TAFA2: variants seen among roughly 807,000 people sequenced by gnomAD.
The protein encoded by TAFA2 is TAFA chemokine like family member 2, also known as chemokine-like protein TAFA-2.
A neutral mutation model predicts 18.8 loss-of-function variants in TAFA2; 7 were observed. The ratio of observed to expected loss-of-function variants is 0.37; its 90% CI spans 0.21 to 0.70. The LOEUF is 0.70. Ranked by LOEUF, TAFA2 falls within the 30% of genes least tolerant of loss-of-function variation. The probability of loss-of-function intolerance (pLI) is 0.53; values close to 1 mark genes in which losing one functional copy is unlikely to be tolerated. For synonymous variants in TAFA2, 60 were observed against 54.2 expected, an observed-to-expected ratio of 1.11 and a Z score of -0.47; for missense variants, 122 against 158.1, an observed-to-expected ratio of 0.77 and a Z score of 1.23.
At chr12:61,829,009 A>T (rs1253737315) in intron 2 of TAFA2, among the ~76,000 whole-genome samples, 1 of 151,774 alleles carries the variant, frequency 6.6e-6, no homozygotes, top group African/African-American at 2.4e-5. Flanking sequence ...TTCTTGAATA[A>T]ATTAATAATG....
At chr12:61,971,370 G>T (rs186133995) in intron 1 of TAFA2, among the ~76,000 whole-genome samples, 1 of 151,778 alleles carries the variant, frequency 6.6e-6, no homozygotes, top group Admixed American at 6.6e-5. Context: ...ATAGCATTAG[G>T]AGATATACCT....
Position 62,091,506 on chromosome 12 carries a change from T to C in TAFA2, c.-2+99753A>G, listed in dbSNP as rs373757122. ...TATTTTTATACCATGCACTTTACAA[T>C]CTTGTTATCACTAGAGGGGTGAAGA... is the stretch of plus-strand genomic sequence containing the variant. On this transcript the variant is annotated intron_variant, in intron 1 of 4. Coordinates refer to ENST00000416284, the MANE Select transcript of TAFA2 (RefSeq NM_178539.5). Among the ~76,000 whole-genome samples the C allele has an allele frequency of 2.6e-5, 4 of 152,068 alleles. No homozygotes were observed. The East Asian group carries it at 5.8e-4, about 22-fold the overall frequency.
chr12:62,073,877 G>A (rs907073138), intron 1 of TAFA2, among the ~76,000 whole-genome samples: 4 of 152,164 alleles, frequency 2.6e-5, no homozygotes, highest in African/African-American at 9.7e-5. Context: ...GCAAGAGTAG[G>A]GATTGTCTCC....
intron 1 of TAFA2, among the ~76,000 whole-genome samples, chr12:62,087,635 G>C (rs1034841042): frequency 6.6e-6 from 1 of 152,126 alleles, no homozygotes; most frequent in Non-Finnish European, 1.5e-5. Context: ...ACCTACAAGG[G>C]ATAGGTAAGA....
rs545088780 is a variant in TAFA2 at position 61,909,330 on chromosome 12, A to G, written c.-1-41904T>C. On this transcript the variant is annotated intron_variant, in intron 1 of 4. Coordinates refer to ENST00000416284, the MANE Select transcript of TAFA2 (RefSeq NM_178539.5). ...AAGGTACAGACTCTTCTCAGGGGCA[A>G]AGATGGCGAGCAGGACATCGCATAT... is the stretch of plus-strand genomic sequence containing the variant. 3.9e-5 allele frequency among the ~76,000 whole-genome samples: 6 copies of G among 152,308 alleles called. No individual in the cohort carries two copies. The South Asian group carries it at 1.2e-3, about 32-fold the overall frequency.
chr12:62,243,059 T>C (rs2062869992), intron 1 of TAFA2, among the ~76,000 whole-genome samples: 1 of 152,232 alleles, frequency 6.6e-6, no homozygotes, highest in African/African-American at 2.4e-5. Context: ...GCCTAAATTA[T>C]TAAGATTTTA....
chr12:62,009,483 T>A (rs1565714237), intron 1 of TAFA2, among the ~76,000 whole-genome samples: 1 of 152,164 alleles, frequency 6.6e-6, no homozygotes, highest in African/African-American at 2.4e-5. Context: ...CACAGATGAT[T>A]TCCGATTTGT....
At chr12:62,165,121 A>G (rs1341829582) in intron 1 of TAFA2, among the ~76,000 whole-genome samples, 1 of 152,100 alleles carries the variant, frequency 6.6e-6, no homozygotes, top group African/African-American at 2.4e-5. Flanking sequence ...GAGACTTCAC[A>G]TATCTTCAGA....
intron 1 of TAFA2, among the ~76,000 whole-genome samples, chr12:61,997,531 A>C (rs1880238102): frequency 6.6e-6 from 1 of 152,200 alleles, no homozygotes; most frequent in Non-Finnish European, 1.5e-5. Flanking sequence ...TCATTCCAAA[A>C]GTAAAAGGAA....
At chr12:62,123,201 A>ACT (rs1020817944) in intron 1 of TAFA2, among the ~76,000 whole-genome samples, 2 of 152,138 alleles carry the variant, frequency 1.3e-5, no homozygotes, top group East Asian at 3.9e-4. Context: ...TCAACTGCAT[A>ACT]CTCTCTCTCT....
At chr12:62,155,907 C>A (rs1162293662) in intron 1 of TAFA2, among the ~76,000 whole-genome samples, 2 of 152,132 alleles carry the variant, frequency 1.3e-5, no homozygotes, top group African/African-American at 4.8e-5. Context: ...GATCGAGAAC[C>A]CAAAAGCAAA....
intron 1 of TAFA2, chr12:62,104,829 T>G: frequency 2.8e-6 from 1 of 360,746 alleles, no homozygotes. Flanking sequence ...ACAAGGTGAT[T>G]TTGAGGCTCA....
intron 1 of TAFA2, among the ~76,000 whole-genome samples, chr12:61,903,093 C>G (rs956407342): frequency 5.3e-5 from 8 of 152,156 alleles, no homozygotes; most frequent in African/African-American, 1.9e-4. Context: ...ATTCTTTCTA[C>G]TAATAACATA....
intron 2 of TAFA2, among the ~76,000 whole-genome samples, chr12:61,797,577 A>G (rs748517937): frequency 1.3e-5 from 2 of 152,282 alleles, no homozygotes; most frequent in South Asian, 2.1e-4. Flanking sequence ...ATAAAACCAC[A>G]GATGGAGTCC....
At chr12:62,224,685 C>T (rs572534799) in intron 1 of TAFA2, among the ~76,000 whole-genome samples, 1 of 152,000 alleles carries the variant, frequency 6.6e-6, no homozygotes, top group South Asian at 2.1e-4. Context: ...AAATGGTTGC[C>T]AGAGGCTGGG....
At chr12:61,943,039 AG>A (rs1878102364) in intron 1 of TAFA2, among the ~76,000 whole-genome samples, 1 of 10,958 alleles carries the variant, frequency 9.1e-5, no homozygotes, top group Non-Finnish European at 2.0e-4. Flanking sequence ...AAAAATGTTA[AG>A]GGCAGCCAGA....
intron 1 of TAFA2, among the ~76,000 whole-genome samples, chr12:62,240,118 A>G (rs1044735218): frequency 4.6e-5 from 7 of 151,616 alleles, no homozygotes; most frequent in African/African-American, 1.7e-4. Flanking sequence ...ATATAATGAT[A>G]ATAATAAAAA....
intron 1 of TAFA2, among the ~76,000 whole-genome samples, chr12:61,952,335 G>T (rs776108186): frequency 1.9e-4 from 29 of 151,966 alleles, no homozygotes; most frequent in South Asian, 4.2e-4. Context: ...AATGACAAAA[G>T]GATTAATAAA....
intron 2 of TAFA2, among the ~76,000 whole-genome samples, chr12:61,809,210 C>T (rs765713418): frequency 2.0e-5 from 3 of 151,470 alleles, no homozygotes; most frequent in Non-Finnish European, 4.4e-5. Context: ...ATATCACAGC[C>T]TTAATACTCA....
Sources: gnomAD v4.1 joint callset for allele counts (sites outside exome capture counted in the v4.1 genomes callset) on GRCh38, gnomAD v4.1.1 for gene constraint, MANE v1.5 for transcripts, NCBI Gene and HGNC (gene_info 2026-07-23, HGNC 2026-07-21) for gene names.